Variants in CHD5 observed in about 807,000 individuals in gnomAD.
CHD5 encodes the protein chromodomain helicase DNA binding protein 5.
A neutral mutation model predicts 230.3 loss-of-function variants in CHD5; 69 were observed. The observed-to-expected ratio is 0.30, with a 90% CI of 0.25 to 0.37. The LOEUF is 0.37. CHD5 is among the 10% of genes least tolerant of loss of function. CHD5 has a pLI of 1.00. For missense variants in CHD5, 1,827 were observed against 2,622.8 expected, an observed-to-expected ratio of 0.70 and a Z score of 6.63; for synonymous variants, 1,064 against 1,065.9, an observed-to-expected ratio of 1.00 and a Z score of 0.03.
chr1:6,144,789 C>A (rs1666884045), intron 11 of CHD5, among the ~76,000 whole-genome samples: 1 of 152,212 alleles, frequency 6.6e-6, no homozygotes, highest in Non-Finnish European at 1.5e-5. Flanking sequence ...TTGACTACCC[C>A]ACACAGCAGT....
chr1:6,170,052 A>G (rs1322475378), intron 1 of CHD5, among the ~76,000 whole-genome samples: 1 of 152,092 alleles, frequency 6.6e-6, no homozygotes, highest in Non-Finnish European at 1.5e-5. Context: ...CTGCTGGATC[A>G]AGTTTAGAGA....
At position 6,112,281 on chromosome 1, in the gene CHD5, C is replaced by T. The variant is rs1379139250; in HGVS notation, c.5003-4G>A. ...TTCTCCTCAGCCTTGGTGTCATCTG[C>T]CGGGGACAGATCACATTCATTCATC... On this transcript the variant is annotated splice_polypyrimidine_tract_variant and splice_region_variant and intron_variant, in intron 34 of 41. Coordinates refer to ENST00000262450, the MANE Select transcript of CHD5 (RefSeq NM_015557.3). 1 of 1,613,526 alleles carries T rather than the reference C, an allele frequency of 6.2e-7. No homozygotes were observed. Among genetic ancestry groups the T allele is most frequent in the Admixed American group, 1.7e-5 (1 of 59,946 alleles).
chr1:6,124,671 G>C lies in CHD5; in HGVS notation c.4395-10C>G, dbSNP rs780691329. Reference sequence around the variant, plus strand: ...GAGGGACACATAGGCTCTGGGGTGGGGGGGGGGGACTGGGGCTCAGGGAGT... The same window carrying C: ...GAGGGACACATAGGCTCTGGGGTGGCGGGGGGGGACTGGGGCTCAGGGAGT... On this transcript the variant is annotated splice_polypyrimidine_tract_variant and intron_variant, in intron 29 of 41. Coordinates refer to ENST00000262450, the MANE Select transcript of CHD5 (RefSeq NM_015557.3). 3.5e-5 allele frequency: 46 copies of C among 1,297,392 alleles called. 2 individuals are homozygous for C. The highest frequency in any genetic ancestry group is 2.3e-4 in the Admixed American group (11 of 47,842). The allele number at this position is 1,297,392 out of a possible 1,614,324, so 80.4% of individuals were successfully genotyped here. A position where few individuals can be genotyped will look rare whatever the true frequency, so the allele number is the denominator to read the frequency against.
At chr1:6,170,317 G>C (rs1330610360) in intron 1 of CHD5, among the ~76,000 whole-genome samples, 2 of 152,158 alleles carry the variant, frequency 1.3e-5, no homozygotes, top group Non-Finnish European at 2.9e-5. Context: ...GGGACCCCCA[G>C]AGAGTCCTAA....
chr1:6,138,154 T>A (rs1571153885), intron 15 of CHD5, among the ~76,000 whole-genome samples: 1 of 152,262 alleles, frequency 6.6e-6, no homozygotes, highest in Middle Eastern at 3.4e-3. Context: ...GGTGGAAGGA[T>A]CACTTGAGGC....
rs150479981 is a variant in CHD5, at chr1:6,109,808, G to A, written c.5565C>T (p.Ala1855=). The change falls in exon 38 of 42, where the codon GCC becomes GCT. Residue 1855 remains alanine (A), a synonymous_variant. Coordinates refer to ENST00000262450, the MANE Select transcript of CHD5 (RefSeq NM_015557.3). ...ESLAGNKPAN[A]VLHKVLNQLE... is the part of the protein sequence containing the mutation. Reference sequence around the variant, plus strand: ...GGACTTGCTCACCCTTGTGCAGGACGGCATTGGCAGGCTTGTTCCCAGCAA... The same window carrying A: ...GGACTTGCTCACCCTTGTGCAGGACAGCATTGGCAGGCTTGTTCCCAGCAA... 4.7e-5 allele frequency: 76 copies of A among 1,612,462 alleles called. 1 individual carries two copies. In the African/African-American group the frequency reaches 6.3e-4, roughly 13 times the overall value.
chr1:6,164,431 G>C (rs1667221964), intron 2 of CHD5, among the ~76,000 whole-genome samples: 1 of 152,230 alleles, frequency 6.6e-6, no homozygotes, highest in Admixed American at 6.5e-5. Flanking sequence ...GCTCGCTAGG[G>C]TCTGACAGGG....
Position 6,124,030 on chromosome 1 carries a change from C to T in CHD5, c.4617G>A (p.Ser1539=), listed in dbSNP as rs767502235. 2.2e-5 allele frequency: 35 copies of T among 1,613,050 alleles called. 1 individual carries two copies. The South Asian group carries it at 3.1e-4, about 14-fold the overall frequency. The change falls in exon 31 of 42, where the codon TCG becomes TCA. Residue 1539 remains serine, a synonymous_variant. Coordinates refer to ENST00000262450, the MANE Select transcript of CHD5 (RefSeq NM_015557.3). ...TGGGGTCCGAGGAGATCACCTCGCC[C>T]GACTTCTTCCCCTCGGGCCCCTCAG... ...LIPEGPEGKK[S]GEVISSDPNT... is the part of the protein sequence containing the mutation.
rs976203606 is a variant in CHD5, at chr1:6,135,476, G to A, written c.2697-73C>T. On this transcript the variant is annotated intron_variant, in intron 17 of 41. Coordinates refer to ENST00000262450, the MANE Select transcript of CHD5 (RefSeq NM_015557.3). ...GGGGAGGCAGGGTGCAGAGCGCCTA[G>A]CCCATGTAGGCCGGCTAGCTGGTGA... is the stretch of plus-strand genomic sequence containing the variant. 4.4e-6 allele frequency: 6 copies of A among 1,348,554 alleles called. No individual in the cohort carries two copies. In the African/African-American group the frequency reaches 8.8e-5, roughly 20 times the overall value. 83.5% of individuals were successfully genotyped at this position (1,348,554 alleles called of 1,614,324 possible). A position where few individuals can be genotyped will look rare whatever the true frequency, so the allele number is the denominator to read the frequency against.
chr1:6,179,179 G>A (rs539583500), intron 1 of CHD5, among the ~76,000 whole-genome samples: 84 of 152,324 alleles, frequency 5.5e-4, no homozygotes, highest in South Asian at 1.0e-3. Context: ...GGGCAGGGGC[G>A]GTGGCCCTGG....
chr1:6,111,825 G>A lies in CHD5; in HGVS notation c.5199C>T (p.Tyr1733=), dbSNP rs764640532. The A allele has an allele frequency of 5.0e-6, 8 of 1,613,438 alleles. No individual in the cohort carries two copies. The highest frequency in any genetic ancestry group is 2.2e-5 in the South Asian group (2 of 91,086). The change falls in exon 36 of 42, where the codon TAC becomes TAT. Residue 1733 remains tyrosine, a synonymous_variant. Transcript: ENST00000262450. ...ERAAVSSGKI[Y]DIWHRRHDYW... Reference sequence around the variant, plus strand: ...AGTCATGGCGCCGGTGCCAGATGTCGTAGATTTTCCCAGAGGATACAGCAG... The same window carrying A: ...AGTCATGGCGCCGGTGCCAGATGTCATAGATTTTCCCAGAGGATACAGCAG...
intron 1 of CHD5, among the ~76,000 whole-genome samples, chr1:6,174,865 GATGA>G (rs1191472871): frequency 6.6e-6 from 1 of 151,136 alleles, no homozygotes; most frequent in Admixed American, 6.6e-5. Context: ...CGGATGGATG[GATGA>G]AAGATGAATG....
At position 6,110,516 on chromosome 1, in the gene CHD5, C is replaced by A; in HGVS notation, c.5260G>T (p.Ala1754Ser). 6.2e-7 allele frequency: 1 copy of A among 1,600,618 alleles called. No individual in the cohort carries two copies. Among genetic ancestry groups the A allele is most frequent in the Non-Finnish European group, 8.5e-7 (1 of 1,172,320 alleles). The part of the protein sequence containing the change: ...LLAGIVTHGY[A>S]RWQDIQNDPR... ...TCATTCTGGATGTCCTGCCAGCGGGCGTAGCCGTGCCTGGGTGGGGCACCA... is the reference window on the plus strand; with the variant it reads ...TCATTCTGGATGTCCTGCCAGCGGGAGTAGCCGTGCCTGGGTGGGGCACCA... Residue 1754 changes from alanine to serine, a missense_variant, in exon 37 of 42, where the codon GCC (alanine) becomes TCC (serine). Ala to Ser is a moderately conservative substitution (Grantham distance 99). Around this residue, in one of 14 missense-constraint regions of CHD5, gnomAD observed 208 missense variants for 302.0 expected, o/e 0.69. Coordinates refer to ENST00000262450, the MANE Select transcript of CHD5 (RefSeq NM_015557.3).
intron 1 of CHD5, among the ~76,000 whole-genome samples, chr1:6,174,972 AGGATGGATGGAT>A (rs147487852): frequency 4.7e-5 from 4 of 85,322 alleles, no homozygotes; most frequent in Non-Finnish European, 7.9e-5. Context: ...TGGTGGATGA[AGGATGGATGGAT>A]GGATGGATGG....
At position 6,134,411 on chromosome 1, in the gene CHD5, G is replaced by T; in HGVS notation, c.3013-152C>A. 2 of 1,027,530 alleles carry T rather than the reference G, an allele frequency of 1.9e-6. No homozygotes were observed. The highest frequency in any genetic ancestry group is 1.4e-6 in the Non-Finnish European group (1 of 701,342). The allele number at this position is 1,027,530 out of a possible 1,614,324, so 63.7% of individuals were successfully genotyped here. A position where few individuals can be genotyped will look rare whatever the true frequency, so the allele number is the denominator to read the frequency against. Reference sequence around the variant, plus strand: ...TGAGACCCACACCCGAGCCAGGCCAGGCCCCACAGTGCGGGGTAGACCGTG... The same window carrying T: ...TGAGACCCACACCCGAGCCAGGCCATGCCCCACAGTGCGGGGTAGACCGTG... On this transcript the variant is annotated intron_variant, in intron 19 of 41. Coordinates refer to ENST00000262450, the MANE Select transcript of CHD5 (RefSeq NM_015557.3). This position sits in a 1 kb window ranked among gnomAD's most constrained non-coding sequence, Gnocchi z 6.3.
At chr1:6,132,146 A>G (rs1254828747) in intron 20 of CHD5, among the ~76,000 whole-genome samples, 1 of 152,110 alleles carries the variant, frequency 6.6e-6, no homozygotes, top group East Asian at 1.9e-4. Context: ...TAGGGAACAT[A>G]AACATCACCT....
intron 2 of CHD5, among the ~76,000 whole-genome samples, chr1:6,165,334 C>T (rs1667235568): frequency 1.3e-5 from 2 of 152,156 alleles, no homozygotes; most frequent in Non-Finnish European, 1.5e-5. Context: ...CCACAGGGCT[C>T]CCACAGGTCT....
chr1:6,120,966 A>T, intron 33 of CHD5, 139 bp downstream of exon 33: 1 of 1,013,066 alleles, frequency 9.9e-7, no homozygotes, highest in Non-Finnish European at 1.3e-6. Context: ...TCCCCTCACC[A>T]GGGGGCCTGC....
At chr1:6,166,707 CGGG>C (rs1667260742) in intron 2 of CHD5, among the ~76,000 whole-genome samples, 1 of 139,306 alleles carries the variant, frequency 7.2e-6, no homozygotes, top group African/African-American at 3.2e-5. Context: ...CCGAACAAGC[CGGG>C]GAAGTGGAAA....
Sources: allele counts gnomAD v4.1 joint callset (sites outside exome capture counted in the v4.1 genomes callset), GRCh38; gene constraint gnomAD v4.1.1; regional missense constraint gnomAD v4.1.1; non-coding constraint Gnocchi (gnomAD v3.1); transcripts MANE v1.5; gene names NCBI Gene and HGNC (gene_info 2026-07-23, HGNC 2026-07-21).